The following ATXN3 variants were observed in gnomAD, a reference collection of about 807,000 sequenced individuals.
ATXN3 encodes the protein ataxin-3.
ATXN3 carries 28 observed loss-of-function variants against 58.2 expected under a neutral mutation model. The ratio of observed to expected loss-of-function variants is 0.48; its 90% CI spans 0.36 to 0.66. The LOEUF is 0.66. ATXN3 is among the 30% of genes least tolerant of loss of function. ATXN3 has a pLI of 0.00. For synonymous variants in ATXN3, 113 were observed against 138.5 expected (o/e 0.82, Z 1.29); for missense variants, 321 against 422.1 (o/e 0.76, Z 2.10).
At chr14:92,097,806 A>T (rs55783917) in intron 1 of ATXN3, among the ~76,000 whole-genome samples, 45,563 of 151,972 alleles carry the variant, frequency 0.3, 7,071 homozygotes, top group Admixed American at 0.38. Context: ...ATTACAGGCA[A>T]GAGCCACCCT....
chr14:92,094,168 C>T (rs2064614282), intron 3 of ATXN3, among the ~76,000 whole-genome samples: 1 of 152,104 alleles, frequency 6.6e-6, no homozygotes, highest in African/African-American at 2.4e-5. Context: ...TCTCAATCTC[C>T]TGACCTTGTG....
At chr14:92,092,595 T>A (rs55961936) in intron 5 of ATXN3, among the ~76,000 whole-genome samples, 18,191 of 152,188 alleles carry the variant, frequency 0.12, 1,169 homozygotes, top group African/African-American at 0.17. Flanking sequence ...ATGTAATAAT[T>A]AACTGACAGA....
intron 5 of ATXN3, among the ~76,000 whole-genome samples, chr14:92,091,322 G>A (rs118030094): frequency 0.03 from 4,525 of 152,112 alleles, 83 homozygotes; most frequent in South Asian, 0.081. Context: ...GTGGTGGTGC[G>A]TGGCTGTAGA....
chr14:92,056,311 T>C (rs1156475320), downstream of ATXN3, among the ~76,000 whole-genome samples: 1 of 152,232 alleles, frequency 6.6e-6, no homozygotes, highest in Admixed American at 6.5e-5. Context: ...TCGGGCTTGG[T>C]ATTTTCCATC....
intron 10 of ATXN3, among the ~76,000 whole-genome samples, chr14:92,066,156 T>C (rs2140257772): frequency 6.6e-6 from 1 of 152,228 alleles, no homozygotes; most frequent in Admixed American, 6.5e-5. Context: ...TGCTATGTCA[T>C]ATGGTCAGGG....
chr14:92,057,189 G>A (rs142712760), downstream of ATXN3, among the ~76,000 whole-genome samples: 2,860 of 152,302 alleles, frequency 0.019, 54 homozygotes, highest in South Asian at 0.081. Context: ...AGGCCAAGGC[G>A]GGTGGATCAC....
chr14:92,077,837 G>C (rs2060697869), intron 9 of ATXN3, among the ~76,000 whole-genome samples: 1 of 151,248 alleles, frequency 6.6e-6, no homozygotes, highest in African/African-American at 2.4e-5. Context: ...AGTAGAGACA[G>C]GCTTTCGCCA....
intron 7 of ATXN3, 111 bp from the exon 8 acceptor site, chr14:92,082,577 C>T (rs1696780423): frequency 1.9e-6 from 2 of 1,044,108 alleles, no homozygotes; most frequent in South Asian, 2.1e-5. Flanking sequence ...AAAATGTTTT[C>T]TGGCAAATAA....
downstream of ATXN3, among the ~76,000 whole-genome samples, chr14:92,055,313 G>A (rs773876656): frequency 6.6e-6 from 1 of 152,062 alleles, no homozygotes; most frequent in Non-Finnish European, 1.5e-5. The surrounding 1 kb of genome is among the most constrained non-coding windows in gnomAD (Gnocchi z 4.5). Context: ...AGCAAATATA[G>A]TGATCAATCC....
intron 2 of ATXN3, chr14:92,046,322 A>C (rs1290007079): frequency 6.6e-6 from 1 of 152,304 alleles, no homozygotes. Flanking sequence ...CCATCAATAA[A>C]CCAAGTGTGA....
intron 10 of ATXN3, among the ~76,000 whole-genome samples, chr14:92,069,412 C>T (rs1293926986): frequency 8.3e-6 from 1 of 121,106 alleles, no homozygotes; most frequent in Non-Finnish European, 1.6e-5. Flanking sequence ...TTTGCTCTGT[C>T]ACCCAGGCTG....
Position 92,060,866 on chromosome 14 carries a change from G to A in ATXN3, c.*3454C>T, listed in dbSNP as rs1044663984. The A allele has an allele frequency of 4.0e-5, 6 of 151,866 alleles. No individual in the cohort carries two copies. The highest frequency in any genetic ancestry group is 9.7e-5 in the African/African-American group (4 of 41,296). The allele number at this position is 151,866 out of a possible 1,614,324, so 9.4% of individuals were successfully genotyped here. On this transcript the variant is annotated 3_prime_UTR_variant, in exon 11 of 11. Transcript: ENST00000644486. The stretch of plus-strand genomic sequence containing the variant: ...TCCTGCCTCAGACTCCCAGGTAGCT[G>A]GGATTACAGGCACCTGCCACCGCGC...
chr14:92,059,501 G>A lies in ATXN3; in HGVS notation c.*4819C>T, dbSNP rs1282464568. On this transcript the variant is annotated 3_prime_UTR_variant, in exon 11 of 11. Transcript: ENST00000644486. ...CATATATATCCATACTTAAGGACTCGATACAACAAACAATTCACTTTGAAA... is the reference window on the plus strand; with the variant it reads ...CATATATATCCATACTTAAGGACTCAATACAACAAACAATTCACTTTGAAA... 2 of 152,078 alleles carry A rather than the reference G, an allele frequency of 1.3e-5. No individual in the cohort carries two copies. Among genetic ancestry groups the A allele is most frequent in the African/African-American group, 2.4e-5 (1 of 41,408 alleles). 9.4% of individuals were successfully genotyped at this position (152,078 alleles called of 1,614,324 possible). A position where few individuals can be genotyped will look rare whatever the true frequency, so the allele number is the denominator to read the frequency against.
intron 1 of ATXN3, among the ~76,000 whole-genome samples, chr14:92,048,387 C>T (rs754113669): frequency 5.9e-5 from 9 of 152,076 alleles, no homozygotes; most frequent in East Asian, 1.9e-4. Context: ...GTTTGAGGGC[C>T]GGAATCTAAT....
intron 6 of ATXN3, among the ~76,000 whole-genome samples, chr14:92,084,326 C>A (rs1295894327): frequency 6.6e-6 from 1 of 152,076 alleles, no homozygotes; most frequent in East Asian, 1.9e-4. Context: ...AAAGAGCTAC[C>A]CCCACCCTGA....
intron 1 of ATXN3, among the ~76,000 whole-genome samples, chr14:92,101,034 AT>A (rs5810575): frequency 0.27 from 40,459 of 152,098 alleles, 5,709 homozygotes; most frequent in Admixed American, 0.37. Context: ...TCTATAAAAA[AT>A]AGCTTTAAAT....
At chr14:92,091,601 A>C (rs1005105848) in intron 5 of ATXN3, among the ~76,000 whole-genome samples, 1 of 151,506 alleles carries the variant, frequency 6.6e-6, no homozygotes, top group Non-Finnish European at 1.5e-5. Context: ...TATTTTCTTG[A>C]CTTATACCTT....
intron 9 of ATXN3, among the ~76,000 whole-genome samples, chr14:92,076,385 T>G (rs1220050990): frequency 6.7e-6 from 1 of 148,356 alleles, no homozygotes; most frequent in African/African-American, 2.5e-5. Context: ...GAGGTGGAGG[T>G]TGCAGTGAGC....
chr14:92,079,537 T>C, intron 9 of ATXN3: 1 of 559,960 alleles, frequency 1.8e-6, no homozygotes, highest in Non-Finnish European at 2.3e-6. Context: ...AATGAGCCAA[T>C]ATTTATAGGT....
Sources: allele counts gnomAD v4.1 joint callset (sites outside exome capture counted in the v4.1 genomes callset), GRCh38; gene constraint gnomAD v4.1.1; non-coding constraint Gnocchi (gnomAD v3.1); transcripts MANE v1.5; gene names NCBI Gene and HGNC (gene_info 2026-07-23, HGNC 2026-07-21).